Variants in LRRCC1 observed in about 807,000 individuals in gnomAD.
The protein encoded by LRRCC1 is leucine rich repeat and coiled-coil centrosomal protein 1, also known as leucine-rich repeat and coiled-coil domain-containing protein 1.
In LRRCC1, 115 loss-of-function variants were observed where a neutral mutation model predicts 126.0. The observed-to-expected ratio is 0.91, with a 90% CI of 0.78 to 1.07. LRRCC1 has a LOEUF of 1.07. LRRCC1 is among the 50% of genes least tolerant of loss of function. The probability of loss-of-function intolerance (pLI) is 0.00; values close to 1 mark genes in which losing one functional copy is unlikely to be tolerated. For missense variants in LRRCC1, 1,172 were observed against 1,175.7 expected, an observed-to-expected ratio of 1.00 and a Z score of 0.05; for synonymous variants, 400 against 393.4, an observed-to-expected ratio of 1.02 and a Z score of -0.20.
At chr8:85,109,055 T>C (rs997811807) in intron 1 of LRRCC1, 2 of 152,536 alleles carry the variant, frequency 1.3e-5, no homozygotes, top group African/African-American at 4.8e-5. Flanking sequence ...AATAAAGTTA[T>C]AATCTCCAGC....
chr8:85,138,410 A>T lies in LRRCC1; in HGVS notation c.2775A>T (p.Lys925Asn). 2 of 1,612,808 alleles carry T rather than the reference A, an allele frequency of 1.2e-6. No individual in the cohort carries two copies. Among genetic ancestry groups the T allele is most frequent in the Non-Finnish European group, 1.7e-6 (2 of 1,179,480 alleles). ...CHLETQVKEV[K>N]EKFENKEKKL... ...TTGAAACACAAGTAAAAGAAGTGAAAGAAAAATTTGAAAACAAGGAAAAGA... is the reference window on the plus strand; with the variant it reads ...TTGAAACACAAGTAAAAGAAGTGAATGAAAAATTTGAAAACAAGGAAAAGA... The change falls in exon 17 of 19, where the codon AAA becomes AAT. Residue 925 changes from lysine to asparagine, a missense_variant. By Grantham distance (94) the Lys-to-Asn change is moderately conservative. Coordinates refer to ENST00000360375, the MANE Select transcript of LRRCC1 (RefSeq NM_033402.5).
At chr8:85,136,343 C>T (rs1587436298) in intron 14 of LRRCC1, among the ~76,000 whole-genome samples, 2 of 151,808 alleles carry the variant, frequency 1.3e-5, no homozygotes, top group South Asian at 2.1e-4. Flanking sequence ...AGCGCAGTCT[C>T]GGCTTACTGC....
Position 85,115,200 on chromosome 8 carries a change from A to G in LRRCC1, c.645A>G (p.Ser215=), listed in dbSNP as rs754768710. The change falls in exon 5 of 19, where the codon TCA becomes TCG. Residue 215 remains serine, a synonymous_variant. Coordinates refer to ENST00000360375, the MANE Select transcript of LRRCC1 (RefSeq NM_033402.5). ...TAAATTTGACAGAAATAAATTCATC[A>G]CAGCTGCAGTGCCTAGAAGGTCTTT... The part of the protein sequence containing the change: ...EPVNLTEINS[S]QLQCLEGLLD... The G allele has an allele frequency of 6.2e-7, 1 of 1,612,774 alleles. No individual in the cohort carries two copies. Among genetic ancestry groups the G allele is most frequent in the Non-Finnish European group, 8.5e-7 (1 of 1,179,176 alleles).
chr8:85,115,439 C>G lies in LRRCC1; in HGVS notation c.785C>G (p.Ala262Gly). The change falls in exon 6 of 19, where the codon GCA (alanine) becomes GGA (glycine). Residue 262 changes from alanine (A) to glycine (G), a missense_variant. By Grantham distance (60) the Ala-to-Gly change is moderately conservative. Coordinates refer to ENST00000360375, the MANE Select transcript of LRRCC1 (RefSeq NM_033402.5). ...GAGTTAGTTCCCTTGGAACAGTTTG[C>G]AAGTACACCAAGTGATGCTGTGTTG... is the stretch of plus-strand genomic sequence containing the variant. ...IDELVPLEQFASTPSDAVLTS... is the reference protein window; with the variant it reads ...IDELVPLEQFGSTPSDAVLTS... 1 of 1,613,402 alleles carries G rather than the reference C, an allele frequency of 6.2e-7. No individual in the cohort carries two copies. Among genetic ancestry groups the G allele is most frequent in the Non-Finnish European group, 8.5e-7 (1 of 1,179,426 alleles).
chr8:85,137,998 A>C (rs548285594), intron 15 of LRRCC1, 37 bp from the exon 16 acceptor site: 208 of 1,032,772 alleles, frequency 2.0e-4, no homozygotes, highest in Non-Finnish European at 2.9e-4. Flanking sequence ...AAGCATTTAA[A>C]GTTAATAAAA....
intron 11 of LRRCC1, among the ~76,000 whole-genome samples, chr8:85,130,923 C>T (rs1810417335): frequency 6.6e-6 from 1 of 152,130 alleles, no homozygotes; most frequent in South Asian, 2.1e-4. Flanking sequence ...TCACATTTGG[C>T]TGATGGGCTG....
chr8:85,144,922 A>G (rs1282120858), intron 18 of LRRCC1, among the ~76,000 whole-genome samples: 1 of 149,336 alleles, frequency 6.7e-6, no homozygotes, highest in Non-Finnish European at 1.5e-5. Context: ...TAAAAAAAAA[A>G]TAAAAAAGTT....
At chr8:85,117,249 C>T (rs1809193396) in intron 6 of LRRCC1, among the ~76,000 whole-genome samples, 1 of 152,154 alleles carries the variant, frequency 6.6e-6, no homozygotes, top group Non-Finnish European at 1.5e-5. Flanking sequence ...GATAGTTGAG[C>T]TCCAAATTCA....
intron 9 of LRRCC1, among the ~76,000 whole-genome samples, chr8:85,128,853 C>A (rs905932259): frequency 6.6e-6 from 1 of 152,114 alleles, no homozygotes; most frequent in African/African-American, 2.4e-5. Flanking sequence ...GTTGATATTA[C>A]CATCTTTATT....
At chr8:85,139,368 G>A (rs1176392041) in intron 17 of LRRCC1, among the ~76,000 whole-genome samples, 4 of 152,004 alleles carry the variant, frequency 2.6e-5, no homozygotes, top group East Asian at 3.9e-4. Context: ...GGGTTCAAGC[G>A]ATTCTCCTGC....
intron 4 of LRRCC1, among the ~76,000 whole-genome samples, chr8:85,114,666 G>A (rs1808967454): frequency 6.6e-6 from 1 of 152,030 alleles, no homozygotes; most frequent in Non-Finnish European, 1.5e-5. Flanking sequence ...TGCTAATGCT[G>A]AGACCTCGCT....
intron 8 of LRRCC1, among the ~76,000 whole-genome samples, chr8:85,126,024 C>T (rs1283511191): frequency 1.4e-4 from 22 of 151,946 alleles, no homozygotes. Context: ...TGATTCAACC[C>T]CCGCCCCAAG....
At position 85,113,268 on chromosome 8, in the gene LRRCC1, T is replaced by C. The variant is rs556739331; in HGVS notation, c.544+169T>C. Among the ~76,000 whole-genome samples, 9 of 152,274 alleles carry C rather than the reference T, an allele frequency of 5.9e-5. No individual in the cohort carries two copies. The South Asian group carries it at 1.4e-3, about 25-fold the overall frequency. On this transcript the variant is annotated intron_variant, in intron 4 of 18. Coordinates refer to ENST00000360375, the MANE Select transcript of LRRCC1 (RefSeq NM_033402.5). ...TTAGTGTATTAAGACTAATGACTGT[T>C]ACAGAACACAAGATGAACAGTTCAG...
rs767439498 is a variant in LRRCC1 at position 85,110,159 on chromosome 8, A to G, written c.355A>G (p.Asn119Asp). ...INLTRLNVSY[N>D]HIDDLSGLIP... The stretch of plus-strand genomic sequence containing the variant: ...TCTGACTAGACTAAATGTATCTTAT[A>G]ACCACATAGATGATCTTAGTGGTAA... The change falls in exon 3 of 19, where the codon AAC becomes GAC. Residue 119 changes from asparagine (N) to aspartate (D), a missense_variant. Asn to Asp is a conservative substitution (Grantham distance 23). Transcript: ENST00000360375. 1 of 1,329,844 alleles carries G rather than the reference A, an allele frequency of 7.5e-7. No homozygotes were observed. Among genetic ancestry groups the G allele is most frequent in the South Asian group, 1.5e-5 (1 of 68,210 alleles). The allele number at this position is 1,329,844 out of a possible 1,614,324, so 82.4% of individuals were successfully genotyped here.
chr8:85,131,932 T>G lies in LRRCC1; in HGVS notation c.1939T>G (p.Leu647Val). Residue 647 changes from leucine to valine, a missense_variant, in exon 12 of 19, where the codon TTA becomes GTA. Coordinates refer to ENST00000360375, the MANE Select transcript of LRRCC1 (RefSeq NM_033402.5). ...TTTAGAAAATGAATTCCGTATTGCT[T>G]TAACTGTTGAAGCCAGAAGATTTCA... ...MDLENEFRIA[L>V]TVEARRFQDV... 1 of 1,612,764 alleles carries G rather than the reference T, an allele frequency of 6.2e-7. No homozygotes were observed. Among genetic ancestry groups the G allele is most frequent in the Non-Finnish European group, 8.5e-7 (1 of 1,179,664 alleles).
At chr8:85,135,657 C>A (rs1587433595) in intron 13 of LRRCC1, 132 bp from the exon 14 acceptor site, 1 of 525,870 alleles carries the variant, frequency 1.9e-6, no homozygotes, top group Non-Finnish European at 2.9e-6. Flanking sequence ...AAAACTAAAA[C>A]TTCTGATGTA....
At chr8:85,128,580 A>G (rs2135966025) in intron 9 of LRRCC1, among the ~76,000 whole-genome samples, 1 of 152,086 alleles carries the variant, frequency 6.6e-6, no homozygotes, top group East Asian at 1.9e-4. Flanking sequence ...AATGAATCTT[A>G]CCTACTATGG....
In LRRCC1 at chr8:85,140,845, T is replaced by C. The variant is rs1212064634; in HGVS notation, c.2841-537T>C. Among the ~76,000 whole-genome samples the C allele has an allele frequency of 2.0e-5, 3 of 152,084 alleles. No individual in the cohort carries two copies. The East Asian group carries it at 5.8e-4, about 29-fold the overall frequency. Reference sequence around the variant, plus strand: ...TGGGAGGCCGAGGCGGGCAGATCACTTTAGACCAGGAGTTCAAGACCAGCC... The same window carrying C: ...TGGGAGGCCGAGGCGGGCAGATCACCTTAGACCAGGAGTTCAAGACCAGCC... On this transcript the variant is annotated intron_variant, in intron 17 of 18. Transcript: ENST00000360375.
intron 4 of LRRCC1, 88 bp from the exon 5 acceptor site, chr8:85,115,012 A>C: frequency 1.0e-6 from 1 of 999,080 alleles, no homozygotes; most frequent in Admixed American, 2.5e-5. Context: ...CGGGTGATGT[A>C]TCTGGTAGCT....
Sources: gnomAD v4.1 joint callset for allele counts (sites outside exome capture counted in the v4.1 genomes callset) on GRCh38, gnomAD v4.1.1 for gene constraint, MANE v1.5 for transcripts, NCBI Gene and HGNC (gene_info 2026-07-23, HGNC 2026-07-21) for gene names.